Variants in WDR5 observed in about 807,000 individuals in gnomAD.
WDR5 encodes the protein WD repeat domain 5.
For synonymous variants in WDR5, 144 were observed against 161.6 expected (o/e 0.89, Z 0.83); for missense variants, 187 against 416.9 (o/e 0.45, Z 4.80).
At chr9:134,156,476 G>T (rs772636306) in intron 12 of WDR5, 30 bp from the exon 13 acceptor site, 95 of 1,607,058 alleles carry the variant, frequency 5.9e-5, no homozygotes, top group South Asian at 4.5e-4. Flanking sequence ...GCTTTTCCTT[G>T]CCCTGTTTTC....
At chr9:134,148,429 C>T (rs1832323590) in intron 8 of WDR5, 86 bp downstream of exon 8, 11 of 1,234,638 alleles carry the variant, frequency 8.9e-6, no homozygotes, top group Non-Finnish European at 1.3e-5. Flanking sequence ...GGGGGTACAG[C>T]AGTGACAAAA....
At chr9:134,135,837 T>G (rs1455391752), upstream of WDR5, 1 of 152,216 alleles carries the variant, frequency 6.6e-6, no homozygotes, top group Non-Finnish European at 1.5e-5. Context: ...ACACTAGCAC[T>G]TTCCTGTATG....
At chr9:134,152,771 ACCAAGC>A (rs1444722616) in intron 9 of WDR5, among the ~76,000 whole-genome samples, 1 of 152,130 alleles carries the variant, frequency 6.6e-6, no homozygotes, top group Non-Finnish European at 1.5e-5. Context: ...CCTAGCTGAG[ACCAAGC>A]CCCACAGGCT....
intron 10 of WDR5, 138 bp downstream of exon 10, chr9:134,154,679 G>A: frequency 1.0e-6 from 1 of 965,448 alleles, no homozygotes; most frequent in South Asian, 1.5e-5. Context: ...TCGGCTTCTG[G>A]GCAGTGGCCT....
chr9:134,144,709 G>A (rs891621041), intron 7 of WDR5, among the ~76,000 whole-genome samples: 8 of 152,028 alleles, frequency 5.3e-5, no homozygotes, highest in African/African-American at 1.9e-4. Context: ...GCGTAGTGAT[G>A]CGCACGTGTG....
intron 7 of WDR5, among the ~76,000 whole-genome samples, chr9:134,145,459 T>C (rs901992321): frequency 1.4e-4 from 21 of 152,320 alleles, no homozygotes; most frequent in Non-Finnish European, 2.1e-4. Flanking sequence ...GGGCCTGCTG[T>C]GTGAGCAAGG....
intron 7 of WDR5, among the ~76,000 whole-genome samples, chr9:134,146,894 G>A (rs1470973387): frequency 6.6e-6 from 1 of 152,216 alleles, no homozygotes; most frequent in Non-Finnish European, 1.5e-5. Flanking sequence ...CAGCTGGCAC[G>A]GTGAGAGCAC....
chr9:134,155,745 A>G lies in WDR5; in HGVS notation c.794A>G (p.Asn265Ser), dbSNP rs141988799. Residue 265 changes from asparagine (N) to serine (S), a missense_variant, in exon 12 of 14, where the codon AAT (asparagine) becomes AGT (serine). Coordinates refer to ENST00000358625, the MANE Select transcript of WDR5 (RefSeq NM_017588.3). ...AATGAGAAATACTGCATATTTGCCAATTTCTCTGTTACTGGTGGGAAGGTG... is the reference window on the plus strand; with the variant it reads ...AATGAGAAATACTGCATATTTGCCAGTTTCTCTGTTACTGGTGGGAAGGTG... ...HKNEKYCIFANFSVTGGKWIV... is the reference protein window; with the variant it reads ...HKNEKYCIFASFSVTGGKWIV... 4 of 1,614,086 alleles carry G rather than the reference A, an allele frequency of 2.5e-6. No homozygotes were observed. Among genetic ancestry groups the G allele is most frequent in the African/African-American group, 2.7e-5 (2 of 75,014 alleles).
chr9:134,156,325 T>C (rs532544791), intron 12 of WDR5, among the ~76,000 whole-genome samples, 181 bp from the exon 13 acceptor site: 2 of 152,210 alleles, frequency 1.3e-5, no homozygotes, highest in East Asian at 3.9e-4. Context: ...GCTGTCCCCA[T>C]TGGGAGAGGA....
chr9:134,157,876 T>G lies in WDR5; in HGVS notation c.905-17T>G, dbSNP rs748004725. ...GCGCAGGGATGGCTCTGGTTCTGAC[T>G]GTGTCTTTGTTTTCAGATGTCGTGA... On this transcript the variant is annotated splice_polypyrimidine_tract_variant and intron_variant, in intron 13 of 13. Coordinates refer to ENST00000358625, the MANE Select transcript of WDR5 (RefSeq NM_017588.3). This position sits in a 1 kb window ranked among gnomAD's most constrained non-coding sequence, Gnocchi z 5.0. 2 of 1,613,312 alleles carry G rather than the reference T, an allele frequency of 1.2e-6. No homozygotes were observed. The highest frequency in any genetic ancestry group is 2.7e-5 in the African/African-American group (2 of 74,940).
At chr9:134,141,812 TG>T in intron 4 of WDR5, 136 bp from the exon 5 acceptor site, 1 of 935,376 alleles carries the variant, frequency 1.1e-6, no homozygotes, top group Middle Eastern at 2.2e-4. Flanking sequence ...GTTTTTCTCC[TG>T]GGCCGTGTGT....
chr9:134,146,075 C>T (rs926290874), intron 7 of WDR5, among the ~76,000 whole-genome samples: 4 of 151,902 alleles, frequency 2.6e-5, no homozygotes, highest in African/African-American at 7.3e-5. Flanking sequence ...CGCCATTCTC[C>T]TGCCTCAGCC....
intron 8 of WDR5, among the ~76,000 whole-genome samples, chr9:134,148,562 CTTG>C (rs892479107): frequency 6.6e-6 from 1 of 151,688 alleles, no homozygotes. Context: ...GGAAGATGTC[CTTG>C]TTGTTAGGGT....
intron 3 of WDR5, 95 bp downstream of exon 3, chr9:134,140,906 T>A: frequency 8.2e-7 from 1 of 1,221,624 alleles, no homozygotes; most frequent in East Asian, 2.3e-5. Flanking sequence ...CACCTACCGC[T>A]GGGGAGACGT....
chr9:134,150,363 G>A (rs1832428724), intron 8 of WDR5, among the ~76,000 whole-genome samples: 1 of 152,178 alleles, frequency 6.6e-6, no homozygotes, highest in Admixed American at 6.5e-5. Context: ...TAATTAGTAG[G>A]GGTCAAAAAG....
chr9:134,152,605 C>T (rs531604472), intron 9 of WDR5, among the ~76,000 whole-genome samples: 69 of 152,308 alleles, frequency 4.5e-4, no homozygotes, highest in Non-Finnish European at 7.5e-4. Context: ...GGTTTTCATC[C>T]GGGGAGTGTT....
rs1027179695 is a variant in WDR5, at chr9:134,157,951, A to G, written c.963A>G (p.Leu321=). Residue 321 remains leucine, a synonymous_variant, in exon 14 of 14, where the codon CTA becomes CTG. Transcript: ENST00000358625. This position sits in a 1 kb window ranked among gnomAD's most constrained non-coding sequence, Gnocchi z 5.0. ...AAAACATCATCGCCTCTGCTGCGCT[A>G]GAAAATGACAAAACAATTAAACTGT... ...PTENIIASAA[L]ENDKTIKLWK... is the part of the protein sequence containing the mutation. 5 of 1,614,196 alleles carry G rather than the reference A, an allele frequency of 3.1e-6. No homozygotes were observed. Among genetic ancestry groups the G allele is most frequent in the Middle Eastern group, 3.3e-4 (2 of 6,060 alleles).
rs1831528460 is a variant in WDR5, at chr9:134,136,084, C to T, written c.-175C>T. On this transcript the variant is annotated 5_prime_UTR_variant, in exon 1 of 14. Transcript: ENST00000358625. ...CTCCCCTCGCGCACGCGCACTGCGCCCCCGCCGCCTGGCGCCCGCCCGAGC... is the reference window on the plus strand; with the variant it reads ...CTCCCCTCGCGCACGCGCACTGCGCTCCCGCCGCCTGGCGCCCGCCCGAGC... 1.3e-5 allele frequency: 2 copies of T among 149,732 alleles called. No homozygotes were observed. Among genetic ancestry groups the T allele is most frequent in the Non-Finnish European group, 3.0e-5 (2 of 67,120 alleles). 9.3% of individuals were successfully genotyped at this position (149,732 alleles called of 1,614,324 possible).
Position 134,149,790 on chromosome 9 carries a change from G to C in WDR5, c.584+1447G>C, listed in dbSNP as rs1832403184. Among the ~76,000 whole-genome samples, 3 of 152,208 alleles carry C rather than the reference G, an allele frequency of 2.0e-5. 1 individual carries two copies. Among genetic ancestry groups the C allele is most frequent in the African/African-American group, 7.2e-5 (3 of 41,450 alleles). The stretch of plus-strand genomic sequence containing the variant: ...ATAATGGAAAAAGCAAAATAAGCAA[G>C]ATGAGAACTAGGAGGTGGTTGGAAG... On this transcript the variant is annotated intron_variant, in intron 8 of 13. Coordinates refer to ENST00000358625, the MANE Select transcript of WDR5 (RefSeq NM_017588.3).
Sources: allele counts gnomAD v4.1 joint callset (sites outside exome capture counted in the v4.1 genomes callset), GRCh38; gene constraint gnomAD v4.1.1; non-coding constraint Gnocchi (gnomAD v3.1); transcripts MANE v1.5; gene names NCBI Gene and HGNC (gene_info 2026-07-23, HGNC 2026-07-21).